The following ARHGAP6 variants were observed in gnomAD, a reference collection of about 807,000 sequenced individuals.
ARHGAP6 encodes Rho GTPase activating protein 6.
A neutral mutation model predicts 55.7 loss-of-function variants in ARHGAP6; 16 were observed. The observed-to-expected ratio is 0.29, with a 90% CI of 0.19 to 0.44. The LOEUF is 0.44. ARHGAP6 is among the 20% of genes least tolerant of loss of function. ARHGAP6 has a pLI of 1.00. For synonymous variants in ARHGAP6, 382 were observed against 360.9 expected, an observed-to-expected ratio of 1.06 and a Z score of -0.66; for missense variants, 698 against 808.9, an observed-to-expected ratio of 0.86 and a Z score of 1.66.
At chrX:11,607,937 T>C (rs1190916153) in intron 1 of ARHGAP6, among the ~76,000 whole-genome samples, 1 of 112,436 alleles carries the variant, frequency 8.9e-6, no homozygotes, top group African/African-American at 3.2e-5. Flanking sequence ...TTTCTTTGGG[T>C]ATATTCTTCA....
chrX:11,292,139 G>T (rs774792121), intron 1 of ARHGAP6, among the ~76,000 whole-genome samples: 1 of 111,789 alleles, frequency 8.9e-6, no homozygotes, highest in Non-Finnish European at 1.9e-5. Context: ...GTATATATAC[G>T]TATAAACATA....
chrX:11,490,104 T>C (rs1242830885), intron 1 of ARHGAP6, among the ~76,000 whole-genome samples: 2 of 111,213 alleles, frequency 1.8e-5, no homozygotes, highest in African/African-American at 3.3e-5. Flanking sequence ...CCTTATACAA[T>C]CCCTTCCCCT....
At chrX:11,471,732 CT>C (rs964550804) in intron 1 of ARHGAP6, among the ~76,000 whole-genome samples, 3 of 111,569 alleles carry the variant, frequency 2.7e-5, no homozygotes, top group African/African-American at 9.8e-5. Flanking sequence ...CTCTGTACCC[CT>C]GGGGGATGCA....
At chrX:11,362,269 G>T (rs370447391) in intron 1 of ARHGAP6, among the ~76,000 whole-genome samples, 5 of 111,349 alleles carry the variant, frequency 4.5e-5, no homozygotes, top group African/African-American at 6.5e-5. Context: ...TGTCCAACAA[G>T]GATAGACTGG....
chrX:11,373,300 A>T (rs975856723), intron 1 of ARHGAP6, among the ~76,000 whole-genome samples: 2 of 109,951 alleles, frequency 1.8e-5, no homozygotes, highest in Non-Finnish European at 3.8e-5. Context: ...AAAACAGGAG[A>T]TCTTGTTTTC....
At chrX:11,482,971 CTCT>C (rs1259971826) in intron 1 of ARHGAP6, among the ~76,000 whole-genome samples, 1 of 111,404 alleles carries the variant, frequency 9.0e-6, no homozygotes, top group Non-Finnish European at 1.9e-5. Context: ...GAGCCTCCCT[CTCT>C]TCTTCATCCC....
At chrX:11,258,530 C>A (rs1048441293) in intron 1 of ARHGAP6, among the ~76,000 whole-genome samples, 3 of 111,331 alleles carry the variant, frequency 2.7e-5, no homozygotes, top group African/African-American at 9.8e-5. Context: ...AAAACAGAAC[C>A]TGGCCAATTT....
chrX:11,567,566 A>AATATATAT (rs1556078452), intron 1 of ARHGAP6, among the ~76,000 whole-genome samples: 33 of 84,295 alleles, frequency 3.9e-4, no homozygotes, highest in African/African-American at 1.0e-3. Flanking sequence ...AAAAAAAAAA[A>AATATATAT]ATATATATAT....
intron 1 of ARHGAP6, among the ~76,000 whole-genome samples, chrX:11,362,946 T>C (rs975025199): frequency 4.5e-5 from 5 of 111,945 alleles, no homozygotes; most frequent in African/African-American, 1.6e-4. Context: ...ATCTTTTCAG[T>C]TGACTAAGAA....
intron 1 of ARHGAP6, among the ~76,000 whole-genome samples, chrX:11,470,154 A>C (rs1446103482): frequency 8.9e-6 from 1 of 111,944 alleles, no homozygotes. Flanking sequence ...AATGTTGTTG[A>C]ACATTGATAA....
At chrX:11,511,564 G>A (rs747254474) in intron 1 of ARHGAP6, among the ~76,000 whole-genome samples, 3 of 112,136 alleles carry the variant, frequency 2.7e-5, no homozygotes, top group African/African-American at 6.5e-5. Context: ...AGACAACATC[G>A]TTCCATAAAG....
At chrX:11,413,604 C>G (rs2049713704) in intron 1 of ARHGAP6, among the ~76,000 whole-genome samples, 1 of 111,546 alleles carries the variant, frequency 9.0e-6, no homozygotes, top group African/African-American at 3.3e-5. Context: ...GTTCTTGCCT[C>G]TGAGGGAGTT....
intron 1 of ARHGAP6, among the ~76,000 whole-genome samples, chrX:11,445,247 G>A (rs1480056964): frequency 8.9e-6 from 1 of 112,048 alleles, no homozygotes; most frequent in African/African-American, 3.2e-5. Flanking sequence ...ATATGGGCAT[G>A]AAATAGTTGA....
intron 2 of ARHGAP6, among the ~76,000 whole-genome samples, chrX:11,227,800 CT>C (rs772345343): frequency 2.2e-3 from 228 of 101,485 alleles, no homozygotes; most frequent in Middle Eastern, 5.1e-3. Context: ...TTTCTTTTTT[CT>C]TTTTTTTTTT....
chrX:11,383,691 C>A (rs1225781628), intron 1 of ARHGAP6, among the ~76,000 whole-genome samples: 5 of 111,407 alleles, frequency 4.5e-5, no homozygotes, highest in African/African-American at 1.6e-4. Context: ...TAAAAGGCAA[C>A]AAAATACCTA....
At chrX:11,366,806 G>T (rs1012698310) in intron 1 of ARHGAP6, among the ~76,000 whole-genome samples, 2 of 111,940 alleles carry the variant, frequency 1.8e-5, no homozygotes, top group Non-Finnish European at 3.8e-5. Flanking sequence ...TCTCCTACCT[G>T]AAATAACCAA....
At chrX:11,427,244 A>ATTTGTCAGCC (rs1448053511) in intron 1 of ARHGAP6, among the ~76,000 whole-genome samples, 1 of 111,770 alleles carries the variant, frequency 8.9e-6, no homozygotes, top group African/African-American at 3.3e-5. Flanking sequence ...CAGGAACCCC[A>ATTTGTCAGCC]TTTGTCAGCC....
intron 1 of ARHGAP6, among the ~76,000 whole-genome samples, chrX:11,525,434 T>C (rs1036002313): frequency 8.9e-6 from 1 of 112,095 alleles, no homozygotes; most frequent in African/African-American, 3.2e-5. Flanking sequence ...GGGACTTTTA[T>C]TGGTGGAAAA....
At chrX:11,639,220 T>A (rs2052447818) in intron 1 of ARHGAP6, among the ~76,000 whole-genome samples, 1 of 105,093 alleles carries the variant, frequency 9.5e-6, no homozygotes, top group Non-Finnish European at 1.9e-5. Context: ...TATGCCTTAT[T>A]TTTTTATTGT....
Sources: allele counts gnomAD v4.1 joint callset (sites outside exome capture counted in the v4.1 genomes callset), GRCh38; gene constraint gnomAD v4.1.1; transcripts MANE v1.5; gene names NCBI Gene and HGNC (gene_info 2026-07-23, HGNC 2026-07-21).